Variants in ASPH observed in about 807,000 individuals in gnomAD.
ASPH encodes aspartyl/asparaginyl beta-hydroxylase.
ASPH carries 100 observed loss-of-function variants against 118.4 expected under a neutral mutation model. That is an observed-to-expected ratio of 0.84 (90% confidence interval 0.72 to 1.00). The LOEUF is 1.00. ASPH is among the 50% of genes least tolerant of loss of function. The probability of loss-of-function intolerance (pLI) is 0.00; values close to 1 mark genes in which losing one functional copy is unlikely to be tolerated. For missense variants in ASPH, 920 were observed against 919.5 expected, an observed-to-expected ratio of 1.00 and a Z score of -0.01; for synonymous variants, 315 against 325.6, an observed-to-expected ratio of 0.97 and a Z score of 0.35.
chr8:61,578,956 T>C (rs1836386182), intron 15 of ASPH: 2 of 1,611,554 alleles, frequency 1.2e-6, no homozygotes, highest in African/African-American at 1.3e-5. Context: ...TCTGTGGTGC[T>C]GTCCATGGAC....
At chr8:61,608,407 G>A (rs1357238154) in intron 14 of ASPH, among the ~76,000 whole-genome samples, 2 of 152,172 alleles carry the variant, frequency 1.3e-5, no homozygotes, top group Non-Finnish European at 2.9e-5. Flanking sequence ...CACGCCATGA[G>A]AAGGAAGCAC....
At chr8:61,703,771 T>C (rs1446954892) in intron 1 of ASPH, among the ~76,000 whole-genome samples, 1 of 152,172 alleles carries the variant, frequency 6.6e-6, no homozygotes, top group Admixed American at 6.5e-5. Context: ...GACAAGGTGA[T>C]TCTAAAATGT....
chr8:61,652,975 G>C (rs901922922), intron 4 of ASPH, among the ~76,000 whole-genome samples: 3 of 152,154 alleles, frequency 2.0e-5, no homozygotes, highest in African/African-American at 7.2e-5. Context: ...GGTGGCATAA[G>C]AAAACCAGAG....
chr8:61,713,842 CT>C (rs1416038403), intron 1 of ASPH, among the ~76,000 whole-genome samples: 1 of 152,318 alleles, frequency 6.6e-6, no homozygotes, highest in Admixed American at 6.5e-5. Flanking sequence ...CTTTGAGTTG[CT>C]CTGAAACGCT....
At chr8:61,600,809 T>TA (rs1486335866) in intron 14 of ASPH, among the ~76,000 whole-genome samples, 1 of 151,232 alleles carries the variant, frequency 6.6e-6, no homozygotes, top group Non-Finnish European at 1.5e-5. Context: ...TCAGCTTGGA[T>TA]AAAAAAGTAA....
At chr8:61,566,537 C>A (rs1191144214) in intron 17 of ASPH, among the ~76,000 whole-genome samples, 3 of 152,204 alleles carry the variant, frequency 2.0e-5, no homozygotes, top group African/African-American at 7.2e-5. Flanking sequence ...AGGATTGACT[C>A]CAATTTTGAA....
chr8:61,629,194 G>GCTCA (rs1854414424), intron 13 of ASPH, among the ~76,000 whole-genome samples: 1 of 152,168 alleles, frequency 6.6e-6, no homozygotes, highest in Non-Finnish European at 1.5e-5. Flanking sequence ...AAACCATGAT[G>GCTCA]CTCACATACC....
chr8:61,566,703 C>A (rs1831815256), intron 17 of ASPH, among the ~76,000 whole-genome samples: 1 of 152,216 alleles, frequency 6.6e-6, no homozygotes, highest in Admixed American at 6.5e-5. Flanking sequence ...CCACCCTGAT[C>A]AGTCACTGGC....
chr8:61,607,377 C>G (rs1845897745), intron 14 of ASPH: 1 of 654,668 alleles, frequency 1.5e-6, no homozygotes, highest in South Asian at 1.6e-5. Context: ...CTCCGTTCAT[C>G]CATACACGCT....
At chr8:61,703,181 T>C (rs1199004719) in intron 1 of ASPH, among the ~76,000 whole-genome samples, 2 of 152,226 alleles carry the variant, frequency 1.3e-5, no homozygotes, top group African/African-American at 4.8e-5. Context: ...CCTGAGTTAA[T>C]ATTTTACTTA....
chr8:61,638,897 G>A (rs1859149070), intron 10 of ASPH, among the ~76,000 whole-genome samples: 1 of 152,198 alleles, frequency 6.6e-6, no homozygotes, highest in Non-Finnish European at 1.5e-5. Context: ...CCAGGGCCCA[G>A]TGGCTCAAAG....
chr8:61,647,488 T>A (rs1451731851), intron 5 of ASPH, among the ~76,000 whole-genome samples: 3 of 151,936 alleles, frequency 2.0e-5, no homozygotes, highest in Non-Finnish European at 4.4e-5. Flanking sequence ...CTGGCCAACA[T>A]GGTAAAACCC....
chr8:61,650,940 A>T, intron 5 of ASPH, 110 bp downstream of exon 5: 1 of 1,146,844 alleles, frequency 8.7e-7, no homozygotes, highest in Non-Finnish European at 1.2e-6. Context: ...CTTTTTAAAA[A>T]ACACAAACAC....
At chr8:61,601,562 A>T (rs1389754498) in intron 14 of ASPH, among the ~76,000 whole-genome samples, 2 of 150,880 alleles carry the variant, frequency 1.3e-5, no homozygotes, top group African/African-American at 5.0e-5. Flanking sequence ...AGAGAGAAAA[A>T]AAAAAAACCT....
chr8:61,707,228 G>C (rs1193465820), intron 1 of ASPH, among the ~76,000 whole-genome samples: 1 of 149,128 alleles, frequency 6.7e-6, no homozygotes, highest in Admixed American at 6.6e-5. Flanking sequence ...TAATCAAAAG[G>C]TTCAGGATAT....
At chr8:61,652,587 G>T (rs561032678) in intron 4 of ASPH, among the ~76,000 whole-genome samples, 2 of 152,182 alleles carry the variant, frequency 1.3e-5, no homozygotes, top group Non-Finnish European at 2.9e-5. Flanking sequence ...TTTCAAAATC[G>T]TGGCTGTTGT....
intron 14 of ASPH, among the ~76,000 whole-genome samples, chr8:61,609,580 C>T (rs1245318303): frequency 5.3e-5 from 8 of 151,988 alleles, no homozygotes; most frequent in African/African-American, 1.7e-4. Context: ...GCTTCCCAGG[C>T]AGGATGTAAT....
At chr8:61,625,220 C>A in intron 13 of ASPH, 2 of 985,670 alleles carry the variant, frequency 2.0e-6, no homozygotes, top group Non-Finnish European at 2.4e-6. Flanking sequence ...CCAAAATAAA[C>A]CACATTAAAT....
chr8:61,560,357 A>G (rs1210136381), intron 18 of ASPH, among the ~76,000 whole-genome samples: 5 of 152,230 alleles, frequency 3.3e-5, no homozygotes, highest in Non-Finnish European at 7.3e-5. Context: ...TGTTGCAACT[A>G]AAAGCAGCAA....
Sources: gnomAD v4.1 joint callset for allele counts (sites outside exome capture counted in the v4.1 genomes callset) on GRCh38, gnomAD v4.1.1 for gene constraint, MANE v1.5 for transcripts, NCBI Gene and HGNC (gene_info 2026-07-23, HGNC 2026-07-21) for gene names.